The following FAM149B1 variants were observed in gnomAD, a reference collection of about 807,000 sequenced individuals.
FAM149B1 encodes primary cilium assembly protein FAM149B1.
FAM149B1 carries 56 observed loss-of-function variants against 75.3 expected under a neutral mutation model. The ratio of observed to expected loss-of-function variants is 0.74; its 90% confidence interval spans 0.60 to 0.93. The LOEUF (loss-of-function observed/expected upper bound fraction) is 0.93, where lower values mean the gene tolerates loss of function less well. Among genes scored for constraint, FAM149B1 ranks in the 40% least tolerant of loss-of-function variants. FAM149B1 has a pLI of 0.00. For synonymous variants in FAM149B1, 259 were observed against 256.1 expected (o/e 1.01, Z -0.11); for missense variants, 639 against 708.4 (o/e 0.90, Z 1.11).
At position 73,234,885 on chromosome 10, in the gene FAM149B1, C is replaced by T. The variant is rs1363926858; in HGVS notation, c.1421C>T (p.Pro474Leu). Residue 474 changes from proline (P) to leucine (L), a missense_variant, in exon 11 of 14, where the codon CCT becomes CTT. By Grantham distance (98) the Pro-to-Leu change is moderately conservative (BLOSUM62 -3). Transcript: ENST00000242505. ...CTGAGTCGAAATAATCTGCTACCAC[C>T]TATTGGCACAGCTGAAGTGGAACAT... ...TPLSRNNLLP[P>L]IGTAEVEHVS... 1 of 1,551,832 alleles carries T rather than the reference C, an allele frequency of 6.4e-7. No homozygotes were observed. The highest frequency in any genetic ancestry group is 8.7e-7 in the Non-Finnish European group (1 of 1,147,042).
chr10:73,196,932 T>C (rs913720909), intron 5 of FAM149B1, among the ~76,000 whole-genome samples: 1 of 152,232 alleles, frequency 6.6e-6, no homozygotes, highest in African/African-American at 2.4e-5. Context: ...TCTTCCTCTT[T>C]GTATCTGTAA....
At chr10:73,171,402 C>G (rs1168230632) in intron 1 of FAM149B1, among the ~76,000 whole-genome samples, 2 of 152,024 alleles carry the variant, frequency 1.3e-5, no homozygotes, top group Admixed American at 6.6e-5. Flanking sequence ...ATAATGATAA[C>G]CTGCTTTGAA....
In FAM149B1 at chr10:73,168,219, C is replaced by T. The variant is rs543396545; in HGVS notation, c.-121C>T. ...GTCTAGGTGACGGGGCGAGACGGGG[C>T]CGGTAGGTGGCGGGAGGGGCCGGGC... On this transcript the variant is annotated 5_prime_UTR_variant, in exon 1 of 14. Transcript: ENST00000242505. The T allele has an allele frequency of 4.8e-6, 5 of 1,051,280 alleles. No homozygotes were observed. Among genetic ancestry groups the T allele is most frequent in the Non-Finnish European group, 4.1e-6 (3 of 738,300 alleles). The allele number at this position is 1,051,280 out of a possible 1,614,324, so 65.1% of individuals were successfully genotyped here.
At chr10:73,237,185 A>C (rs566883121) in intron 12 of FAM149B1, among the ~76,000 whole-genome samples, 1 of 152,308 alleles carries the variant, frequency 6.6e-6, no homozygotes, top group South Asian at 2.1e-4. Flanking sequence ...CACAAGTTCC[A>C]GGTGGACATA....
chr10:73,236,066 G>A (rs2043813674), intron 12 of FAM149B1, among the ~76,000 whole-genome samples: 1 of 152,138 alleles, frequency 6.6e-6, no homozygotes, highest in Non-Finnish European at 1.5e-5. Flanking sequence ...TTTCAGGATG[G>A]TAGTGTTTGC....
intron 12 of FAM149B1, 148 bp downstream of exon 12, chr10:73,235,466 A>G (rs573314656): frequency 3.3e-4 from 474 of 1,438,264 alleles, no homozygotes; most frequent in Non-Finnish European, 4.0e-4. Flanking sequence ...TTATAAATAC[A>G]TTTTGTTCAA....
At chr10:73,200,444 T>A in intron 5 of FAM149B1, 1 of 613,034 alleles carries the variant, frequency 1.6e-6, no homozygotes, top group South Asian at 1.4e-5. Context: ...TCAAAATGAA[T>A]GCAAAAACTG....
chr10:73,241,080 G>A lies in FAM149B1; in HGVS notation c.*61G>A. Reference sequence around the variant, plus strand: ...ACGAGATTTCATGAAGCAGTATTCAGTCATCAAGTGATGCAGAGCTTGTAT... The same window carrying A: ...ACGAGATTTCATGAAGCAGTATTCAATCATCAAGTGATGCAGAGCTTGTAT... On this transcript the variant is annotated 3_prime_UTR_variant, in exon 14 of 14. Coordinates refer to ENST00000242505, the MANE Select transcript of FAM149B1 (RefSeq NM_173348.2). 2.2e-6 allele frequency: 2 copies of A among 921,618 alleles called. No individual in the cohort carries two copies. The highest frequency in any genetic ancestry group is 3.5e-6 in the Non-Finnish European group (2 of 575,970). The allele number at this position is 921,618 out of a possible 1,614,324, so 57.1% of individuals were successfully genotyped here. A position where few individuals can be genotyped will look rare whatever the true frequency, so the allele number is the denominator to read the frequency against.
At position 73,209,593 on chromosome 10, in the gene FAM149B1, G is replaced by A. The variant is rs113657087; in HGVS notation, c.711-658G>A. Among the ~76,000 whole-genome samples, 162 of 152,306 alleles carry A rather than the reference G, an allele frequency of 1.1e-3. 1 individual carries two copies. Among genetic ancestry groups the A allele is most frequent in the African/African-American group, 3.8e-3 (156 of 41,564 alleles). ...AACAGTAGACCTATCACATAGATATGATTTATCTTCTTTACTGGATAGGTG... is the reference window on the plus strand; with the variant it reads ...AACAGTAGACCTATCACATAGATATAATTTATCTTCTTTACTGGATAGGTG... On this transcript the variant is annotated intron_variant, in intron 6 of 13. Coordinates refer to ENST00000242505, the MANE Select transcript of FAM149B1 (RefSeq NM_173348.2).
At chr10:73,173,300 C>A (rs1843795599) in intron 1 of FAM149B1, among the ~76,000 whole-genome samples, 1 of 152,158 alleles carries the variant, frequency 6.6e-6, no homozygotes, top group Admixed American at 6.5e-5. Flanking sequence ...TGGTACAATA[C>A]TGTTAACTAG....
chr10:73,211,555 T>C (rs1216301544), intron 7 of FAM149B1, among the ~76,000 whole-genome samples: 1 of 152,248 alleles, frequency 6.6e-6, no homozygotes, highest in Non-Finnish European at 1.5e-5. Flanking sequence ...TGGGTCTGAC[T>C]TATGTTTGTA....
intron 3 of FAM149B1, among the ~76,000 whole-genome samples, chr10:73,184,454 G>C (rs913980466): frequency 3.3e-5 from 5 of 151,682 alleles, no homozygotes; most frequent in African/African-American, 1.2e-4. Flanking sequence ...TTAAACACCT[G>C]AACAGTACTA....
intron 3 of FAM149B1, among the ~76,000 whole-genome samples, chr10:73,188,791 AAGGAAGG>A (rs919492398): frequency 6.7e-6 from 1 of 149,758 alleles, no homozygotes; most frequent in African/African-American, 2.5e-5. Context: ...GGAAGGAAGG[AAGGAAGG>A]AAGGAAGGAA....
intron 7 of FAM149B1, among the ~76,000 whole-genome samples, chr10:73,223,734 GTT>G (rs11433486): frequency 1.1e-4 from 16 of 145,934 alleles, no homozygotes; most frequent in African/African-American, 3.5e-4. Context: ...TGTGTGTTAG[GTT>G]TTTTTTTTTT....
intron 5 of FAM149B1, among the ~76,000 whole-genome samples, chr10:73,203,279 A>G (rs776128177): frequency 1.9e-4 from 29 of 152,182 alleles, no homozygotes; most frequent in Non-Finnish European, 3.4e-4. Context: ...AATTCTGCTC[A>G]TATTGCATTG....
In FAM149B1 at chr10:73,228,092, G is replaced by C; in HGVS notation, c.931G>C (p.Asp311His). The change falls in exon 8 of 14, where the codon GAT becomes CAT. Residue 311 changes from aspartate (D) to histidine (H), a missense_variant. Asp to His is a moderately conservative substitution (Grantham distance 81). Transcript: ENST00000242505. Reference sequence around the variant, plus strand: ...GAGTAATGTTGCAGTTACCAGACCCGATTCAGAAAGTTCCTGTGTGCTGAG... The same window carrying C: ...GAGTAATGTTGCAGTTACCAGACCCCATTCAGAAAGTTCCTGTGTGCTGAG... ...DESNVAVTRP[D>H]SESSCVLSEL... 1.3e-6 allele frequency: 2 copies of C among 1,551,430 alleles called. No individual in the cohort carries two copies. Among genetic ancestry groups the C allele is most frequent in the Non-Finnish European group, 1.7e-6 (2 of 1,146,718 alleles).
At chr10:73,202,292 AATAGTT>A (rs2042956829) in intron 5 of FAM149B1, among the ~76,000 whole-genome samples, 1 of 145,600 alleles carries the variant, frequency 6.9e-6, no homozygotes, top group Non-Finnish European at 1.5e-5. Context: ...AATTTCTTTT[AATAGTT>A]ATAAAGGCCT....
intron 7 of FAM149B1, among the ~76,000 whole-genome samples, chr10:73,225,368 T>C (rs150646276): frequency 3.9e-5 from 6 of 152,312 alleles, no homozygotes; most frequent in African/African-American, 1.4e-4. Flanking sequence ...AACAGTGATA[T>C]TGATGATCCT....
intron 5 of FAM149B1, chr10:73,201,291 G>A (rs1347952021): frequency 4.1e-5 from 9 of 217,044 alleles, no homozygotes; most frequent in Non-Finnish European, 9.0e-5. Flanking sequence ...ATTACAATGT[G>A]CATTGTGCTT....
Sources: gnomAD v4.1 joint callset for allele counts (sites outside exome capture counted in the v4.1 genomes callset) on GRCh38, gnomAD v4.1.1 for gene constraint, MANE v1.5 for transcripts, NCBI Gene and HGNC (gene_info 2026-07-23, HGNC 2026-07-21) for gene names.